The following CACHD1 variants were observed in gnomAD, a reference collection of about 807,000 sequenced individuals.
The protein encoded by CACHD1 is cache domain containing 1, also known as VWFA and cache domain-containing protein 1.
CACHD1 carries 71 observed loss-of-function variants against 138.7 expected under a neutral mutation model. The observed-to-expected ratio is 0.51, with a 90% CI of 0.42 to 0.62. The LOEUF (loss-of-function observed/expected upper bound fraction) is 0.62, where lower values mean the gene tolerates loss of function less well. CACHD1 is among the 20% of genes least tolerant of loss of function. CACHD1 has a pLI of 0.00. For synonymous variants in CACHD1, 578 were observed against 591.5 expected (o/e 0.98, Z 0.33); for missense variants, 1,389 against 1,625.3 (o/e 0.85, Z 2.50).
At chr1:64,644,113 G>C (rs1236614844) in intron 8 of CACHD1, among the ~76,000 whole-genome samples, 1 of 152,244 alleles carries the variant, frequency 6.6e-6, no homozygotes, top group Non-Finnish European at 1.5e-5. Context: ...TTTGCATTCT[G>C]AGCGCTTAGC....
chr1:64,503,909 T>C (rs1646353358), intron 1 of CACHD1, among the ~76,000 whole-genome samples: 1 of 152,214 alleles, frequency 6.6e-6, no homozygotes, highest in Non-Finnish European at 1.5e-5. Context: ...AGGTTGGGGA[T>C]AGTCCTTATA....
chr1:64,533,446 A>G (rs1013095784), intron 1 of CACHD1, among the ~76,000 whole-genome samples: 12 of 152,200 alleles, frequency 7.9e-5, no homozygotes, highest in African/African-American at 1.2e-4. Flanking sequence ...GGATTCATCC[A>G]TATGTATTTA....
In CACHD1 at chr1:64,473,558, G is replaced by A. The variant is rs918501113; in HGVS notation, c.198+2616G>A. Among the ~76,000 whole-genome samples the A allele has an allele frequency of 2.6e-5, 4 of 151,870 alleles. No homozygotes were observed. The South Asian group carries it at 6.2e-4, about 24-fold the overall frequency. ...TAGGCTTTAAGGTGTGACTTCCTAC[G>A]AAGATGGTCAGGGTGGGGGTGGAGA... On this transcript the variant is annotated intron_variant, in intron 1 of 26. Coordinates refer to ENST00000651257, the MANE Select transcript of CACHD1 (RefSeq NM_020925.4).
intron 6 of CACHD1, among the ~76,000 whole-genome samples, chr1:64,633,145 G>A (rs1252453394): frequency 1.3e-5 from 2 of 152,168 alleles, no homozygotes; most frequent in Admixed American, 1.3e-4. Context: ...AAAGTATCAG[G>A]AGCCTGGGAA....
intron 1 of CACHD1, among the ~76,000 whole-genome samples, chr1:64,549,851 A>C (rs1458370430): frequency 8.0e-6 from 1 of 125,726 alleles, no homozygotes; most frequent in Non-Finnish European, 1.8e-5. Context: ...CTCATTTTTT[A>C]GTTTGTTATA....
chr1:64,470,663 C>A lies in CACHD1; in HGVS notation c.-82C>A. The A allele has an allele frequency of 2.2e-6, 1 of 452,838 alleles. No individual in the cohort carries two copies. Among genetic ancestry groups the A allele is most frequent in the Non-Finnish European group, 3.9e-6 (1 of 259,276 alleles). 28.1% of individuals were successfully genotyped at this position (452,838 alleles called of 1,614,324 possible). Reference sequence around the variant, plus strand: ...CAGAGGAAGAAACTTTTGCGGGGTGCGCCGCGCTTTTGCGGGGGGCACCTC... The same window carrying A: ...CAGAGGAAGAAACTTTTGCGGGGTGAGCCGCGCTTTTGCGGGGGGCACCTC... On this transcript the variant is annotated 5_prime_UTR_variant, in exon 1 of 27. Coordinates refer to ENST00000651257, the MANE Select transcript of CACHD1 (RefSeq NM_020925.4). This position sits in a 1 kb window ranked among gnomAD's most constrained non-coding sequence, Gnocchi z 5.2.
At chr1:64,557,121 GAA>G (rs11333415) in intron 2 of CACHD1, among the ~76,000 whole-genome samples, 239 of 140,768 alleles carry the variant, frequency 1.7e-3, no homozygotes, top group Non-Finnish European at 2.4e-3. Flanking sequence ...ACTCCATCTC[GAA>G]AAAAAAAAAA....
chr1:64,627,879 T>C (rs1018684758), intron 4 of CACHD1, among the ~76,000 whole-genome samples: 5 of 152,100 alleles, frequency 3.3e-5, no homozygotes, highest in African/African-American at 7.2e-5. Context: ...AAGTTCTTCA[T>C]TGCATGGACC....
chr1:64,553,634 T>G (rs1338255527), intron 2 of CACHD1, among the ~76,000 whole-genome samples: 1 of 152,204 alleles, frequency 6.6e-6, no homozygotes, highest in African/African-American at 2.4e-5. Flanking sequence ...AATGAACATC[T>G]TAACTTACTA....
intron 1 of CACHD1, among the ~76,000 whole-genome samples, chr1:64,486,369 T>TGCACACACACACACACACATAC (rs1553126352): frequency 8.3e-5 from 12 of 145,028 alleles, no homozygotes; most frequent in Non-Finnish European, 1.7e-4. Context: ...CACACACACA[T>TGCACACACACACACACACATAC]ACACACACAC....
intron 5 of CACHD1, among the ~76,000 whole-genome samples, chr1:64,630,453 A>T (rs1180739445): frequency 6.6e-6 from 1 of 151,856 alleles, no homozygotes; most frequent in Non-Finnish European, 1.5e-5. Context: ...GGCACCCACC[A>T]CCATGCCTGG....
chr1:64,562,205 AT>A (rs1337205859), intron 2 of CACHD1, among the ~76,000 whole-genome samples: 1 of 151,974 alleles, frequency 6.6e-6, no homozygotes, highest in Non-Finnish European at 1.5e-5. Context: ...CTTTCATCAA[AT>A]TTGGGGACTT....
rs180916507 is a variant in CACHD1, at chr1:64,545,784, A to G, written c.199-4810A>G. ...ATAATTAACTTGAGAAGATACCGCCAGTTTTCCAAGGTGCATGCATTAATG... is the reference window on the plus strand; with the variant it reads ...ATAATTAACTTGAGAAGATACCGCCGGTTTTCCAAGGTGCATGCATTAATG... On this transcript the variant is annotated intron_variant, in intron 1 of 26. Coordinates refer to ENST00000651257, the MANE Select transcript of CACHD1 (RefSeq NM_020925.4). Among the ~76,000 whole-genome samples the G allele has an allele frequency of 2.6e-5, 4 of 152,338 alleles. No homozygotes were observed. In the East Asian group the frequency reaches 7.7e-4, roughly 29 times the overall value.
intron 1 of CACHD1, among the ~76,000 whole-genome samples, chr1:64,536,386 A>G (rs753992384): frequency 6.6e-6 from 1 of 152,168 alleles, no homozygotes; most frequent in Non-Finnish European, 1.5e-5. Flanking sequence ...GCCAAATTAA[A>G]TATTTACTTG....
Position 64,691,627 on chromosome 1 carries a change from A to G in CACHD1, c.*66A>G, listed in dbSNP as rs1332104170. ...ACAGAATGTTCTGGAAAGAAAAAGA[A>G]CCGGCTTAAAACCCACAGCAAGAGA... On this transcript the variant is annotated 3_prime_UTR_variant, in exon 27 of 27. Transcript: ENST00000651257. 2.0e-6 allele frequency: 3 copies of G among 1,486,402 alleles called. No individual in the cohort carries two copies. The highest frequency in any genetic ancestry group is 2.8e-6 in the Non-Finnish European group (3 of 1,072,286). 92.1% of individuals were successfully genotyped at this position (1,486,402 alleles called of 1,614,324 possible). A position where few individuals can be genotyped will look rare whatever the true frequency, so the allele number is the denominator to read the frequency against.
At chr1:64,658,971 G>C (rs1649353772) in intron 13 of CACHD1, 98 bp downstream of exon 13, 2 of 1,056,484 alleles carry the variant, frequency 1.9e-6, no homozygotes, top group Non-Finnish European at 2.6e-6. Flanking sequence ...AAAAGATACT[G>C]AATGCCTGCA....
At chr1:64,662,556 G>GAC (rs2100699897) in intron 13 of CACHD1, among the ~76,000 whole-genome samples, 1 of 152,312 alleles carries the variant, frequency 6.6e-6, no homozygotes, top group African/African-American at 2.4e-5. Context: ...GCTACCAGGA[G>GAC]ACAAGACATG....
rs1188481861 is a variant in CACHD1, at chr1:64,552,473, T to G, written c.261+1817T>G. Among the ~76,000 whole-genome samples the G allele has an allele frequency of 3.2e-4, 3 of 9,416 alleles. No individual in the cohort carries two copies. In the Non-Finnish European group the frequency reaches 4.9e-3, roughly 15 times the overall value. 6.2% of individuals were successfully genotyped at this position (9,416 alleles called of 152,430 possible). The stretch of plus-strand genomic sequence containing the variant: ...TATTTGTACTTTTATTTTGTTTTGT[T>G]TTTTTTTTTTTTTTGAGACAGGATC... On this transcript the variant is annotated intron_variant, in intron 2 of 26. Coordinates refer to ENST00000651257, the MANE Select transcript of CACHD1 (RefSeq NM_020925.4).
chr1:64,632,564 C>T, intron 5 of CACHD1, 35 bp from the exon 6 acceptor site: 1 of 1,611,742 alleles, frequency 6.2e-7, no homozygotes, highest in Non-Finnish European at 8.5e-7. Flanking sequence ...TTACCTAAAC[C>T]AAGACTGACC....
Sources: gnomAD v4.1 joint callset for allele counts (sites outside exome capture counted in the v4.1 genomes callset) on GRCh38, gnomAD v4.1.1 for gene constraint, Gnocchi (gnomAD v3.1) non-coding constraint, MANE v1.5 for transcripts, NCBI Gene and HGNC (gene_info 2026-07-23, HGNC 2026-07-21) for gene names.